Variants in PTPRN2 observed in about 807,000 individuals in gnomAD.
PTPRN2 encodes the protein protein tyrosine phosphatase receptor type N2.
PTPRN2 carries 74 observed loss-of-function variants against 118.8 expected under a neutral mutation model. That is an observed-to-expected ratio of 0.62 (90% CI 0.52 to 0.76). The LOEUF (loss-of-function observed/expected upper bound fraction) is 0.76. PTPRN2 is among the 30% of genes least tolerant of loss of function. The probability of loss-of-function intolerance (pLI) is 0.00; values close to 1 mark genes in which losing one functional copy is unlikely to be tolerated. For synonymous variants in PTPRN2, 641 were observed against 608.0 expected (o/e 1.05, Z -0.80); for missense variants, 1,481 against 1,394.4 (o/e 1.06, Z -0.99).
intron 2 of PTPRN2, among the ~76,000 whole-genome samples, chr7:158,319,396 T>TCCCCCACACACAGCCTCCC (rs1252408057): frequency 2.4e-5 from 1 of 42,138 alleles, no homozygotes; most frequent in Non-Finnish European, 7.1e-5. Flanking sequence ...ACACACAGCC[T>TCCCCCACACACAGCCTCCC]CCCACACACA....
At chr7:158,278,386 A>G (rs10238787) in intron 3 of PTPRN2, among the ~76,000 whole-genome samples, 142,734 of 151,606 alleles carry the variant, frequency 0.94, 67,119 homozygotes, top group Middle Eastern at 0.97. Context: ...GAAGGTGGGC[A>G]CCTGTAATCC....
intron 3 of PTPRN2, among the ~76,000 whole-genome samples, chr7:158,311,428 A>T (rs562400493): frequency 2.0e-5 from 3 of 152,228 alleles, no homozygotes; most frequent in Admixed American, 2.0e-4. Flanking sequence ...TAAATGCTGA[A>T]TTTTAATGGC....
Position 157,568,969 on chromosome 7 carries a change from G to A in PTPRN2, c.2838-3C>T. 1 of 1,560,500 alleles carries A rather than the reference G, an allele frequency of 6.4e-7. No individual in the cohort carries two copies. Among genetic ancestry groups the A allele is most frequent in the Non-Finnish European group, 8.8e-7 (1 of 1,131,746 alleles). ...TGCCGCTCCGGCCTGCACCGTCACTGCCAACAGAAGGAGAGAAATGAAAGT... is the reference window on the plus strand; with the variant it reads ...TGCCGCTCCGGCCTGCACCGTCACTACCAACAGAAGGAGAGAAATGAAAGT... On this transcript the variant is annotated splice_polypyrimidine_tract_variant and splice_region_variant and intron_variant, in intron 20 of 22. Transcript: ENST00000389418.
At chr7:158,148,467 C>A (rs1820441818) in intron 6 of PTPRN2, among the ~76,000 whole-genome samples, 1 of 139,206 alleles carries the variant, frequency 7.2e-6, no homozygotes, top group Non-Finnish European at 1.6e-5. Context: ...CACGTCTTTC[C>A]CCCTCAATGA....
chr7:158,337,529 G>A (rs1481795059), intron 2 of PTPRN2, among the ~76,000 whole-genome samples: 2 of 140,746 alleles, frequency 1.4e-5, no homozygotes, highest in African/African-American at 2.7e-5. Flanking sequence ...CATAAGAGGT[G>A]ACACCTGCAG....
chr7:158,001,504 C>A (rs1460813691), intron 11 of PTPRN2, among the ~76,000 whole-genome samples: 2 of 152,096 alleles, frequency 1.3e-5, no homozygotes, highest in African/African-American at 4.8e-5. Context: ...CATGACCCCT[C>A]AGGACCACAG....
intron 13 of PTPRN2, among the ~76,000 whole-genome samples, chr7:157,665,671 G>A (rs1796102041): frequency 6.6e-6 from 1 of 152,152 alleles, no homozygotes; most frequent in Non-Finnish European, 1.5e-5. Context: ...GCTACCATAA[G>A]GACACATGCA....
intron 3 of PTPRN2, among the ~76,000 whole-genome samples, chr7:158,314,937 C>G (rs1802178288): frequency 6.9e-6 from 1 of 144,820 alleles, no homozygotes; most frequent in Non-Finnish European, 1.5e-5. Flanking sequence ...CAGAGGTGAA[C>G]CCGGGACCCC....
intron 12 of PTPRN2, among the ~76,000 whole-genome samples, chr7:157,766,194 T>C (rs573837824): frequency 2.3e-4 from 31 of 137,428 alleles, no homozygotes; most frequent in Middle Eastern, 5.1e-3. Flanking sequence ...AATCCATCCA[T>C]CCATCCATCC....
chr7:158,333,329 G>GCAGACGTCACTCACACCCACATTC (rs1563156906), intron 2 of PTPRN2, among the ~76,000 whole-genome samples: 1 of 79,096 alleles, frequency 1.3e-5, no homozygotes, highest in Non-Finnish European at 2.6e-5. Flanking sequence ...CACCCACACT[G>GCAGACGTCACTCACACCCACATTC]TCACCATAAG....
chr7:158,226,255 C>T (rs77563115), intron 3 of PTPRN2, among the ~76,000 whole-genome samples: 2,882 of 152,164 alleles, frequency 0.019, 108 homozygotes, highest in East Asian at 0.17. Context: ...AGGTTGTAAA[C>T]TCAGAGAACA....
At position 157,585,991 on chromosome 7, in the gene PTPRN2, A is replaced by G. The variant is rs541883406; in HGVS notation, c.2497-7851T>C. Reference sequence around the variant, plus strand: ...CAAGCTTTGAGGTCATAGGTTTCAAACCCAAAATTTAGATAAGGCAACGTG... The same window carrying G: ...CAAGCTTTGAGGTCATAGGTTTCAAGCCCAAAATTTAGATAAGGCAACGTG... On this transcript the variant is annotated intron_variant, in intron 17 of 22. Transcript: ENST00000389418. This position sits in a 1 kb window ranked among gnomAD's most constrained non-coding sequence, Gnocchi z 5.2. 6.6e-6 allele frequency among the ~76,000 whole-genome samples: 1 copy of G among 152,314 alleles called. No individual in the cohort carries two copies. Among genetic ancestry groups the G allele is most frequent in the Admixed American group, 6.5e-5 (1 of 15,302 alleles).
At chr7:157,811,332 TTATATATATATATATATA>T (rs71189737) in intron 12 of PTPRN2, among the ~76,000 whole-genome samples, 8 of 131,296 alleles carry the variant, frequency 6.1e-5, no homozygotes, top group Non-Finnish European at 1.3e-4. Context: ...ATCTACTCTA[TTATATATATATATATATA>T]TATATATATG....
intron 1 of PTPRN2, among the ~76,000 whole-genome samples, chr7:158,551,023 C>A (rs58796388): frequency 6.6e-6 from 1 of 152,336 alleles, no homozygotes; most frequent in African/African-American, 2.4e-5. Context: ...CAGCAGCGAC[C>A]GTGAGCACGG....
At chr7:158,106,626 C>T (rs977005000) in intron 10 of PTPRN2, among the ~76,000 whole-genome samples, 1 of 152,210 alleles carries the variant, frequency 6.6e-6, no homozygotes, top group African/African-American at 2.4e-5. Flanking sequence ...AGCCTCTCCA[C>T]ACAAACGCCT....
intron 3 of PTPRN2, among the ~76,000 whole-genome samples, chr7:158,214,893 G>C (rs1827852319): frequency 6.6e-6 from 1 of 152,116 alleles, no homozygotes; most frequent in South Asian, 2.1e-4. Flanking sequence ...TGTCCAAAAA[G>C]AGACAGTTAA....
rs560183287 is a variant in PTPRN2 at position 157,583,758 on chromosome 7, T to C, written c.2497-5618A>G. On this transcript the variant is annotated intron_variant, in intron 17 of 22. Transcript: ENST00000389418. The surrounding 1 kb of genome is among the most constrained non-coding windows in gnomAD (Gnocchi z 5.5). ...ATTAGCCAGGTGTGTTGGTGGGTGCTGTAATCCCAGCTACTCAGGAGGCTG... is the reference window on the plus strand; with the variant it reads ...ATTAGCCAGGTGTGTTGGTGGGTGCCGTAATCCCAGCTACTCAGGAGGCTG... Among the ~76,000 whole-genome samples, 65 of 152,298 alleles carry C rather than the reference T, an allele frequency of 4.3e-4. 1 individual carries two copies. In the South Asian group the frequency reaches 0.01, roughly 24 times the overall value.
chr7:157,832,093 G>A (rs558597865), intron 12 of PTPRN2, among the ~76,000 whole-genome samples: 2 of 152,280 alleles, frequency 1.3e-5, no homozygotes, highest in Admixed American at 6.5e-5. Flanking sequence ...CTTCAGCAGC[G>A]CCCGGAAGCT....
intron 21 of PTPRN2, among the ~76,000 whole-genome samples, chr7:157,568,126 C>T (rs1256148481): frequency 6.6e-6 from 1 of 152,216 alleles, no homozygotes; most frequent in Non-Finnish European, 1.5e-5. Flanking sequence ...GTTAAAAGCT[C>T]TGTCCAAAGT....
Sources: gnomAD v4.1 joint callset for allele counts (sites outside exome capture counted in the v4.1 genomes callset) on GRCh38, gnomAD v4.1.1 for gene constraint, Gnocchi (gnomAD v3.1) non-coding constraint, MANE v1.5 for transcripts, NCBI Gene and HGNC (gene_info 2026-07-23, HGNC 2026-07-21) for gene names.